The following PTPRN2 variants were observed in gnomAD, a reference collection of about 807,000 sequenced individuals.
The protein encoded by PTPRN2 is receptor-type tyrosine-protein phosphatase N2.
PTPRN2 carries 74 observed loss-of-function variants against 118.8 expected under a neutral mutation model. That is an observed-to-expected ratio of 0.62 (90% CI 0.52 to 0.76). The LOEUF (loss-of-function observed/expected upper bound fraction) is 0.76, where lower values mean the gene tolerates loss of function less well. Ranked by LOEUF, PTPRN2 falls within the 30% of genes least tolerant of loss-of-function variation. The pLI, the probability that PTPRN2 is intolerant of heterozygous loss-of-function variation, is 0.00. For missense variants in PTPRN2, 1,481 were observed against 1,394.4 expected, an observed-to-expected ratio of 1.06 and a Z score of -0.99; for synonymous variants, 641 against 608.0, an observed-to-expected ratio of 1.05 and a Z score of -0.80.
chr7:157,829,241 C>T (rs1807388611), intron 12 of PTPRN2, among the ~76,000 whole-genome samples: 2 of 152,194 alleles, frequency 1.3e-5, no homozygotes, highest in Non-Finnish European at 2.9e-5. Context: ...AAGTCAAAAA[C>T]AAAAAGGCAA....
At chr7:157,844,894 C>T (rs914707333) in intron 12 of PTPRN2, among the ~76,000 whole-genome samples, 6 of 152,202 alleles carry the variant, frequency 3.9e-5, no homozygotes, top group African/African-American at 9.6e-5. Context: ...TGCACTGTGA[C>T]GGCCTTTGTC....
At chr7:158,558,143 C>A (rs1285718743) in intron 1 of PTPRN2, among the ~76,000 whole-genome samples, 1 of 152,092 alleles carries the variant, frequency 6.6e-6, no homozygotes, top group African/African-American at 2.4e-5. Context: ...AGCCACCACA[C>A]CCCACTAAAT....
intron 16 of PTPRN2, among the ~76,000 whole-genome samples, chr7:157,602,434 C>G (rs1638011): frequency 1.3e-5 from 2 of 151,258 alleles, no homozygotes; most frequent in African/African-American, 4.9e-5. Flanking sequence ...GCACCGTCCG[C>G]CATCAGTGGC....
At position 158,018,990 on chromosome 7, in the gene PTPRN2, AAG is replaced by A. The variant is rs1484584901; in HGVS notation, c.1723+62306_1723+62307del. Among the ~76,000 whole-genome samples the A allele has an allele frequency of 1.4e-4, 21 of 149,696 alleles. 1 individual carries two copies. Among genetic ancestry groups the A allele is most frequent in the South Asian group, 2.1e-4 (1 of 4,796 alleles). On this transcript the variant is annotated intron_variant, in intron 11 of 22. Transcript: ENST00000389418. ...ACAAAAAAAAAAAAAAAAAAAAAAA[AAG>A]AGAATATAAGAAAGTATAAACAGAG...
intron 17 of PTPRN2, among the ~76,000 whole-genome samples, chr7:157,581,379 CTG>C (rs1333617030): frequency 1.3e-5 from 2 of 152,230 alleles, no homozygotes; most frequent in African/African-American, 2.4e-5. Flanking sequence ...TGTGCCAGCT[CTG>C]TGGGCCTGGG....
chr7:158,331,187 C>G (rs1262787966), intron 2 of PTPRN2, among the ~76,000 whole-genome samples: 1 of 71,156 alleles, frequency 1.4e-5, no homozygotes, highest in African/African-American at 5.5e-5. Flanking sequence ...AGCTGTCACA[C>G]GCAGACGTCA....
intron 11 of PTPRN2, among the ~76,000 whole-genome samples, chr7:157,926,306 C>T (rs796581962): frequency 6.6e-6 from 1 of 151,894 alleles, no homozygotes. Context: ...ACCACAGCCA[C>T]AGTACACTGA....
At position 158,498,395 on chromosome 7, in the gene PTPRN2, A is replaced by C. The variant is rs540680221; in HGVS notation, c.113-8610T>G. Among the ~76,000 whole-genome samples the C allele has an allele frequency of 4.8e-4, 73 of 152,334 alleles. 1 individual carries two copies. The South Asian group carries it at 0.015, about 31-fold the overall frequency. On this transcript the variant is annotated intron_variant, in intron 1 of 22. Coordinates refer to ENST00000389418, the MANE Select transcript of PTPRN2 (RefSeq NM_002847.5). ...AGTAAGAAATTGTACCAAATTCAGGATACCTACCAGAATTGTTTGTTTTAT... is the reference window on the plus strand; with the variant it reads ...AGTAAGAAATTGTACCAAATTCAGGCTACCTACCAGAATTGTTTGTTTTAT...
rs749623880 is a variant in PTPRN2, at chr7:157,621,525, A to G, written c.2197-16T>C. The G allele has an allele frequency of 5.6e-6, 9 of 1,610,676 alleles. No individual in the cohort carries two copies. The highest frequency in any genetic ancestry group is 7.6e-6 in the Non-Finnish European group (9 of 1,179,958). On this transcript the variant is annotated splice_polypyrimidine_tract_variant and intron_variant, in intron 14 of 22. Coordinates refer to ENST00000389418, the MANE Select transcript of PTPRN2 (RefSeq NM_002847.5). Reference sequence around the variant, plus strand: ...CCATGTAGGACTGAAAGGGAAACACAGGGTCAGGAGCGCACCTAGGTGGTG... The same window carrying G: ...CCATGTAGGACTGAAAGGGAAACACGGGGTCAGGAGCGCACCTAGGTGGTG...
intron 3 of PTPRN2, among the ~76,000 whole-genome samples, chr7:158,311,396 T>C (rs1263102289): frequency 6.6e-6 from 1 of 150,638 alleles, no homozygotes; most frequent in Admixed American, 6.6e-5. Context: ...TGACAGCAAA[T>C]TGCATGCCAA....
rs1308058567 is a variant in PTPRN2 at position 158,587,784 on chromosome 7, C to G, written c.-115G>C. Reference sequence around the variant, plus strand: ...CCGGCTCCTCCCGCCGCGCCTCTCGCGCTCTTGCGGCGACGCCGGGCCGAG... The same window carrying G: ...CCGGCTCCTCCCGCCGCGCCTCTCGGGCTCTTGCGGCGACGCCGGGCCGAG... On this transcript the variant is annotated 5_prime_UTR_variant, in exon 1 of 23. Coordinates refer to ENST00000389418, the MANE Select transcript of PTPRN2 (RefSeq NM_002847.5). 5 of 981,976 alleles carry G rather than the reference C, an allele frequency of 5.1e-6. No individual in the cohort carries two copies. The Admixed American group carries it at 3.0e-4, about 58-fold the overall frequency. The allele number at this position is 981,976 out of a possible 1,614,324, so 60.8% of individuals were successfully genotyped here.
rs80064408 is a variant in PTPRN2, at chr7:157,628,423, C to T, written c.2197-6914G>A. Among the ~76,000 whole-genome samples the T allele has an allele frequency of 5.1e-3, 782 of 152,284 alleles. 7 individuals carry two copies. The highest frequency in any genetic ancestry group is 0.018 in the African/African-American group (749 of 41,558). ...TCAGGAGAGGAACCACCCTGTCACT[C>T]GCAGAGATGAACATGGAAAGGAGCT... On this transcript the variant is annotated intron_variant, in intron 14 of 22. Transcript: ENST00000389418.
intron 2 of PTPRN2, among the ~76,000 whole-genome samples, chr7:158,372,493 T>C (rs1433811562): frequency 6.9e-6 from 1 of 144,498 alleles, no homozygotes; most frequent in Non-Finnish European, 1.5e-5. Context: ...TCCCCAGAGC[T>C]GGTCTCCCAT....
At chr7:157,660,017 G>C (rs949582480) in intron 13 of PTPRN2, among the ~76,000 whole-genome samples, 20 of 152,192 alleles carry the variant, frequency 1.3e-4, no homozygotes, top group African/African-American at 4.6e-4. Context: ...TAATAAGGTA[G>C]ATGATACCAG....
chr7:157,832,156 A>G (rs9654706), intron 12 of PTPRN2, among the ~76,000 whole-genome samples: 17,630 of 152,258 alleles, frequency 0.12, 1,956 homozygotes, highest in African/African-American at 0.28. Context: ...AGCCGGTCTC[A>G]CAGGCTCAGG....
chr7:158,327,629 C>T (rs1486102892), intron 2 of PTPRN2, among the ~76,000 whole-genome samples: 1 of 152,242 alleles, frequency 6.6e-6, no homozygotes, highest in Non-Finnish European at 1.5e-5. Context: ...GGAGCCCTCA[C>T]CAGCCTGGGA....
At chr7:158,323,690 C>T (rs1803221972) in intron 2 of PTPRN2, among the ~76,000 whole-genome samples, 1 of 152,138 alleles carries the variant, frequency 6.6e-6, no homozygotes, top group Non-Finnish European at 1.5e-5. Flanking sequence ...GAGCACTGTT[C>T]CCACAGGCCA....
At position 157,609,604 on chromosome 7, in the gene PTPRN2, C is replaced by G. The variant is rs1225335512; in HGVS notation, c.2345-5529G>C. ...CGGCCTCGTGGTCCACAGGGGAGCA[C>G]AGGGTTTGACTCCCAGCCCCACTGC... On this transcript the variant is annotated intron_variant, in intron 15 of 22. Transcript: ENST00000389418. This position sits in a 1 kb window ranked among gnomAD's most constrained non-coding sequence, Gnocchi z 4.9. Among the ~76,000 whole-genome samples the G allele has an allele frequency of 6.6e-6, 1 of 152,152 alleles. No homozygotes were observed. The highest frequency in any genetic ancestry group is 1.5e-5 in the Non-Finnish European group (1 of 68,044).
rs1232506811 is a variant in PTPRN2 at position 157,666,701 on chromosome 7, G to C, written c.2002-10150C>G. Among the ~76,000 whole-genome samples the C allele has an allele frequency of 3.3e-5, 5 of 152,208 alleles. No individual in the cohort carries two copies. In the East Asian group the frequency reaches 5.8e-4, roughly 18 times the overall value. ...GTGTGTGTTTTTAATCTGTGAAATG[G>C]GGATGAAGGCAGAGCAGCTCCACAG... On this transcript the variant is annotated intron_variant, in intron 13 of 22. Coordinates refer to ENST00000389418, the MANE Select transcript of PTPRN2 (RefSeq NM_002847.5).
Sources: gnomAD v4.1 joint callset for allele counts (sites outside exome capture counted in the v4.1 genomes callset) on GRCh38, gnomAD v4.1.1 for gene constraint, Gnocchi (gnomAD v3.1) non-coding constraint, MANE v1.5 for transcripts, NCBI Gene and HGNC (gene_info 2026-07-23, HGNC 2026-07-21) for gene names.